The following TNRC6C variants were observed in gnomAD, a reference collection of about 807,000 sequenced individuals.
TNRC6C encodes trinucleotide repeat containing adaptor 6C, also known as trinucleotide repeat-containing gene 6C protein.
In TNRC6C, 20 loss-of-function variants were observed where a neutral mutation model predicts 153.7. The ratio of observed to expected loss-of-function variants is 0.13; its 90% CI spans 0.09 to 0.19. The LOEUF is 0.19. Among genes scored for constraint, TNRC6C ranks in the 10% least tolerant of loss-of-function variants. The probability of loss-of-function intolerance (pLI) is 1.00; values close to 1 mark genes in which losing one functional copy is unlikely to be tolerated. For synonymous variants in TNRC6C, 811 were observed against 841.4 expected (o/e 0.96, Z 0.63); for missense variants, 1,987 against 2,172.0 (o/e 0.91, Z 1.69).
chr17:78,010,064 A>G (rs957940027), intron 1 of TNRC6C, among the ~76,000 whole-genome samples: 72 of 151,142 alleles, frequency 4.8e-4, no homozygotes, highest in African/African-American at 1.6e-3. Context: ...GTATTTTTTT[A>G]TACAGGCAGG....
intron 2 of TNRC6C, among the ~76,000 whole-genome samples, chr17:78,048,099 G>T (rs1179417334): frequency 6.6e-6 from 1 of 152,092 alleles, no homozygotes; most frequent in Non-Finnish European, 1.5e-5. Context: ...CACTTGTGGG[G>T]CTGAGATTCT....
At chr17:78,064,778 G>A in exon 4 of TNRC6C, 3 of 1,613,848 alleles carry the variant, frequency 1.9e-6, no homozygotes, top group Non-Finnish European at 2.5e-6. Context: ...AAACTCTTGG[G>A]GAGAACCATC....
chr17:77,965,787 G>T (rs28698675), intron 1 of TNRC6C, among the ~76,000 whole-genome samples: 11,021 of 152,228 alleles, frequency 0.072, 1,014 homozygotes, highest in African/African-American at 0.22. Flanking sequence ...CTGTATACTG[G>T]ATCTCCTCTC....
At chr17:78,093,069 T>G (rs748361447) in exon 15 of TNRC6C, 10 of 1,613,522 alleles carry the variant, frequency 6.2e-6, no homozygotes, top group South Asian at 1.1e-5. Flanking sequence ...GCTGGTCACG[T>G]GCCAAATCTG....
chr17:78,086,802 C>G lies in TNRC6C; in HGVS notation c.3562-51C>G. The G allele has an allele frequency of 1.9e-6, 3 of 1,597,776 alleles. No homozygotes were observed. In the South Asian group the frequency reaches 3.4e-5, roughly 18 times the overall value. ...GAATGCATTTGGTCCCTAGACAAGC[C>G]ATGAGTGTCCCTTCCCACCTAGTTA... On this transcript the variant is annotated intron_variant, in intron 12 of 19. Transcript: ENST00000301624.
In TNRC6C at chr17:78,097,169, A is replaced by G. The variant is rs542916409; in HGVS notation, c.4307-1174A>G. Among the ~76,000 whole-genome samples the G allele has an allele frequency of 2.4e-3, 373 of 152,352 alleles. 2 individuals are homozygous for G. The highest frequency in any genetic ancestry group is 3.0e-3 in the Non-Finnish European group (207 of 68,042). ...GTTGAGGCTGCTGTGCACTGTGATCATGCCTGTGAACAGCCACTGTGCTGC... is the reference window on the plus strand; with the variant it reads ...GTTGAGGCTGCTGTGCACTGTGATCGTGCCTGTGAACAGCCACTGTGCTGC... On this transcript the variant is annotated intron_variant, in intron 16 of 19. Transcript: ENST00000301624.
chr17:77,969,918 C>T (rs1266871001), intron 1 of TNRC6C, among the ~76,000 whole-genome samples: 1 of 152,102 alleles, frequency 6.6e-6, no homozygotes, highest in Non-Finnish European at 1.5e-5. Context: ...AATGTATCAC[C>T]TTGAAACTAG....
exon 2 of TNRC6C, chr17:78,031,754 C>T: frequency 2.4e-6 from 3 of 1,232,264 alleles, no homozygotes; most frequent in Non-Finnish European, 3.0e-6. Context: ...CCAGTGTGAG[C>T]CCAACCCAGG....
intron 3 of TNRC6C, among the ~76,000 whole-genome samples, chr17:78,058,573 A>T (rs769301437): frequency 3.3e-5 from 5 of 152,348 alleles, no homozygotes; most frequent in Non-Finnish European, 5.9e-5. Flanking sequence ...ATCCAAGCTA[A>T]ACCAGCAGCA....
At chr17:77,961,909 C>T (rs1169719122) in intron 1 of TNRC6C, among the ~76,000 whole-genome samples, 3 of 152,166 alleles carry the variant, frequency 2.0e-5, no homozygotes, top group Non-Finnish European at 4.4e-5. Flanking sequence ...TTGTGCTTTT[C>T]CAAATGCTGT....
chr17:78,050,788 A>C, exon 3 of TNRC6C: 1 of 1,609,102 alleles, frequency 6.2e-7, no homozygotes, highest in Non-Finnish European at 8.5e-7. Context: ...TGAGCCTCCA[A>C]AGCCCAAATC....
At chr17:77,980,329 A>T (rs1329498421) in intron 1 of TNRC6C, among the ~76,000 whole-genome samples, 1 of 152,234 alleles carries the variant, frequency 6.6e-6, no homozygotes, top group African/African-American at 2.4e-5. Context: ...AAGCTGGAAG[A>T]GAGTTCTGAT....
chr17:78,053,768 C>T (rs1254313298), intron 3 of TNRC6C, among the ~76,000 whole-genome samples: 1 of 152,004 alleles, frequency 6.6e-6, no homozygotes, highest in African/African-American at 2.4e-5. Flanking sequence ...CTGAGAGCCC[C>T]CACCTGTAAT....
chr17:78,039,220 C>T (rs1257094166), intron 2 of TNRC6C, among the ~76,000 whole-genome samples: 1 of 152,076 alleles, frequency 6.6e-6, no homozygotes, highest in Non-Finnish European at 1.5e-5. Flanking sequence ...CTCACTTTAT[C>T]CTGTGATGAT....
chr17:78,104,299 G>A lies in TNRC6C; in HGVS notation c.4713-186G>A, dbSNP rs908290304. Among the ~76,000 whole-genome samples the A allele has an allele frequency of 3.3e-5, 5 of 152,228 alleles. No individual in the cohort carries two copies. Among genetic ancestry groups the A allele is most frequent in the South Asian group, 2.1e-4 (1 of 4,836 alleles). ...GAAGATGTACTCTGTGTACCAGTAC[G>A]ATGTTGCCACTAGAAGTCTGAACTG... On this transcript the variant is annotated intron_variant, in intron 19 of 19. Transcript: ENST00000301624. This position sits in a 1 kb window ranked among gnomAD's most constrained non-coding sequence, Gnocchi z 6.2.
chr17:77,958,758 C>A (rs1567890793), upstream of TNRC6C, among the ~76,000 whole-genome samples: 1 of 150,100 alleles, frequency 6.7e-6, no homozygotes, highest in Non-Finnish European at 1.5e-5. Context: ...GCGACGGCCC[C>A]GGGAGCCGTA....
At chr17:78,103,679 A>T (rs1490096608) in intron 19 of TNRC6C, 126 bp downstream of exon 22, 5 of 1,338,226 alleles carry the variant, frequency 3.7e-6, no homozygotes, top group Non-Finnish European at 5.0e-6. Flanking sequence ...CCACCCTCCC[A>T]CTTCTGGAGG....
rs114241857 is a variant in TNRC6C, at chr17:78,051,050, C to T, written c.1988C>T (p.Pro663Leu). The T allele has an allele frequency of 1.0e-3, 1,615 of 1,611,490 alleles. 10 individuals are homozygous for T. The African/African-American group carries it at 0.019, about 19-fold the overall frequency. Reference sequence around the variant, plus strand: ...TGGGGGGAGACTTTAAAACCTGGCCCCCAACAGAACTGGGCTAGCAAACCC... The same window carrying T: ...TGGGGGGAGACTTTAAAACCTGGCCTCCAACAGAACTGGGCTAGCAAACCC... Residue 663 changes from proline (P) to leucine (L), a missense_variant, in exon 3 of 20, where the codon CCC (proline) becomes CTC (leucine). Pro to Leu is a moderately conservative substitution (Grantham distance 98). This residue lies in a region of TNRC6C where 1,052 missense variants were observed against 1,017.0 expected (regional missense o/e 1.03). Coordinates refer to ENST00000301624, the Ensembl canonical transcript of TNRC6C.
At chr17:78,015,186 C>T (rs1025141120) in intron 1 of TNRC6C, among the ~76,000 whole-genome samples, 3 of 152,040 alleles carry the variant, frequency 2.0e-5, no homozygotes, top group Non-Finnish European at 2.9e-5. Context: ...GTGGGGTGTC[C>T]ATGCATAAGA....
Sources: allele counts gnomAD v4.1 joint callset (sites outside exome capture counted in the v4.1 genomes callset), GRCh38; gene constraint gnomAD v4.1.1; regional missense constraint gnomAD v4.1.1; non-coding constraint Gnocchi (gnomAD v3.1); transcripts MANE v1.5; gene names NCBI Gene and HGNC (gene_info 2026-07-23, HGNC 2026-07-21).